The following CSMD1 variants were observed in gnomAD, a reference collection of about 807,000 sequenced individuals.
CSMD1 encodes CUB and Sushi multiple domains 1.
CSMD1 carries 213 observed loss-of-function variants against 417.5 expected under a neutral mutation model. The ratio of observed to expected loss-of-function variants is 0.51; its 90% CI spans 0.46 to 0.57. CSMD1 has a LOEUF of 0.57. Among genes scored for constraint, CSMD1 ranks in the 20% least tolerant of loss-of-function variants. The probability of loss-of-function intolerance (pLI) is 0.00; values close to 1 mark genes in which losing one functional copy is unlikely to be tolerated. For synonymous variants in CSMD1, 2,862 were observed against 1,736.8 expected, an observed-to-expected ratio of 1.65 and a Z score of -16.11; for missense variants, 6,923 against 4,529.7, an observed-to-expected ratio of 1.53 and a Z score of -15.17.
At chr8:4,915,202 C>G (rs531376532) in intron 1 of CSMD1, among the ~76,000 whole-genome samples, 71 of 151,644 alleles carry the variant, frequency 4.7e-4, no homozygotes, top group African/African-American at 1.5e-3. Flanking sequence ...ATACATATAC[C>G]TGTGTATTTA....
chr8:4,616,484 C>A (rs1801481384), intron 2 of CSMD1, among the ~76,000 whole-genome samples: 1 of 152,158 alleles, frequency 6.6e-6, no homozygotes, highest in Admixed American at 6.6e-5. Context: ...TAAATTATAT[C>A]TCCTGCTCAC....
At chr8:3,411,975 T>C (rs1204159622) in intron 12 of CSMD1, among the ~76,000 whole-genome samples, 9 of 67,448 alleles carry the variant, frequency 1.3e-4, no homozygotes, top group African/African-American at 3.7e-4. Context: ...TGCACGTATA[T>C]ATACACGTAT....
intron 4 of CSMD1, among the ~76,000 whole-genome samples, chr8:4,019,752 C>A (rs935179518): frequency 2.0e-5 from 3 of 151,906 alleles, no homozygotes; most frequent in Admixed American, 6.6e-5. Context: ...AGTAGTTTTC[C>A]CAATATTTCT....
chr8:4,656,505 T>C (rs921209758), intron 1 of CSMD1, among the ~76,000 whole-genome samples: 2 of 151,880 alleles, frequency 1.3e-5, no homozygotes, highest in African/African-American at 2.4e-5. Context: ...AAAAAATCCA[T>C]CTTGCAGGGA....
chr8:3,337,401 G>A (rs1235348063), intron 23 of CSMD1, among the ~76,000 whole-genome samples: 1 of 152,184 alleles, frequency 6.6e-6, no homozygotes, highest in East Asian at 1.9e-4. Context: ...AATTACACCC[G>A]TGCCTGACTC....
At chr8:3,746,136 C>T (rs948551652) in intron 6 of CSMD1, among the ~76,000 whole-genome samples, 4 of 152,160 alleles carry the variant, frequency 2.6e-5, no homozygotes, top group South Asian at 4.1e-4. Context: ...CTGCATGAGA[C>T]AGAGAACATG....
At chr8:3,664,729 T>C (rs12542057) in intron 7 of CSMD1, among the ~76,000 whole-genome samples, 4,865 of 152,304 alleles carry the variant, frequency 0.032, 117 homozygotes, top group Non-Finnish European at 0.05. Context: ...AATAAAAATA[T>C]CTAATGAAGA....
intron 20 of CSMD1, among the ~76,000 whole-genome samples, chr8:3,365,686 C>T (rs949574497): frequency 6.6e-6 from 1 of 152,182 alleles, no homozygotes; most frequent in Non-Finnish European, 1.5e-5. Context: ...TGTTAATTGA[C>T]TGTAGGCTTT....
chr8:3,463,482 G>A (rs1165649881), intron 12 of CSMD1, among the ~76,000 whole-genome samples: 1 of 152,216 alleles, frequency 6.6e-6, no homozygotes, highest in Non-Finnish European at 1.5e-5. Flanking sequence ...GCCACGTCCT[G>A]CAGCTTCACC....
intron 42 of CSMD1, among the ~76,000 whole-genome samples, chr8:3,116,307 A>C (rs1382534303): frequency 6.6e-6 from 1 of 152,158 alleles, no homozygotes; most frequent in Non-Finnish European, 1.5e-5. Flanking sequence ...TACTGGTAAA[A>C]ATAGAAATAT....
At chr8:3,418,331 A>G (rs2116962255) in intron 12 of CSMD1, among the ~76,000 whole-genome samples, 1 of 152,154 alleles carries the variant, frequency 6.6e-6, no homozygotes, top group East Asian at 1.9e-4. Context: ...GAGAGTATAG[A>G]TTTTCAAACT....
chr8:4,276,690 T>A (rs1332874078), intron 3 of CSMD1, among the ~76,000 whole-genome samples: 1 of 152,188 alleles, frequency 6.6e-6, no homozygotes, highest in Admixed American at 6.5e-5. Context: ...GGAAACGAAG[T>A]CTTTAGTTCC....
At chr8:4,307,200 T>A (rs1248014803) in intron 3 of CSMD1, among the ~76,000 whole-genome samples, 1 of 152,188 alleles carries the variant, frequency 6.6e-6, no homozygotes, top group Non-Finnish European at 1.5e-5. Context: ...AACCCCCTTC[T>A]ACGGCTCATT....
chr8:3,278,050 C>T (rs537235765), intron 26 of CSMD1, among the ~76,000 whole-genome samples: 1 of 152,130 alleles, frequency 6.6e-6, no homozygotes, highest in African/African-American at 2.4e-5. Flanking sequence ...GACCCAAGGA[C>T]AAGCCCTCCT....
chr8:3,502,119 C>G (rs1259041148), intron 10 of CSMD1, among the ~76,000 whole-genome samples: 1 of 152,082 alleles, frequency 6.6e-6, no homozygotes, highest in African/African-American at 2.4e-5. Flanking sequence ...AATCCCAGCA[C>G]TTTGGAAGGC....
chr8:4,139,343 A>T (rs115622544), intron 3 of CSMD1, among the ~76,000 whole-genome samples: 1 of 151,804 alleles, frequency 6.6e-6, no homozygotes, highest in East Asian at 1.9e-4. Flanking sequence ...ACGTAATGAA[A>T]ATTTTTTGAC....
intron 15 of CSMD1, among the ~76,000 whole-genome samples, chr8:3,404,240 CAGA>C (rs1015450248): frequency 6.6e-6 from 1 of 151,470 alleles, no homozygotes; most frequent in Non-Finnish European, 1.5e-5. Context: ...AAGGCTGAGG[CAGA>C]AGAACTGCTT....
intron 11 of CSMD1, among the ~76,000 whole-genome samples, chr8:3,487,857 C>G (rs1239313563): frequency 1.3e-5 from 2 of 151,936 alleles, no homozygotes; most frequent in Non-Finnish European, 2.9e-5. Flanking sequence ...TGAAACCTCA[C>G]TTAGTAACAT....
intron 50 of CSMD1, among the ~76,000 whole-genome samples, chr8:3,037,043 G>A (rs953175879): frequency 2.0e-5 from 3 of 151,918 alleles, no homozygotes; most frequent in Admixed American, 6.6e-5. Flanking sequence ...CCTATAGATG[G>A]GCTCCCACTT....
Sources: allele counts gnomAD v4.1 joint callset (sites outside exome capture counted in the v4.1 genomes callset), GRCh38; gene constraint gnomAD v4.1.1; transcripts MANE v1.5; gene names NCBI Gene and HGNC (gene_info 2026-07-23, HGNC 2026-07-21).